The following CHCHD6 variants were observed in gnomAD, a reference collection of about 807,000 sequenced individuals.
The protein encoded by CHCHD6 is coiled-coil-helix-coiled-coil-helix domain containing 6, also known as MICOS complex subunit MIC25.
Under a neutral mutation model 32.3 loss-of-function variants are expected in CHCHD6, and 28 were observed. The observed-to-expected ratio is 0.87, with a 90% CI of 0.64 to 1.19. CHCHD6 has a LOEUF of 1.19. CHCHD6 is among the 50% of genes most tolerant of loss of function. The probability of loss-of-function intolerance (pLI) is 0.00; values close to 1 mark genes in which losing one functional copy is unlikely to be tolerated. For synonymous variants in CHCHD6, 122 were observed against 117.5 expected (o/e 1.04, Z -0.25); for missense variants, 333 against 307.0 (o/e 1.08, Z -0.63).
At chr3:126,909,522 A>G (rs544085060) in intron 5 of CHCHD6, among the ~76,000 whole-genome samples, 12 of 152,196 alleles carry the variant, frequency 7.9e-5, no homozygotes, top group Non-Finnish European at 1.8e-4. Flanking sequence ...CTCGGGAAGT[A>G]ATTGAAGAAA....
chr3:126,849,847 T>C (rs1016891226), intron 4 of CHCHD6, among the ~76,000 whole-genome samples: 2 of 152,220 alleles, frequency 1.3e-5, no homozygotes, highest in Non-Finnish European at 2.9e-5. Flanking sequence ...CATAGAGGTG[T>C]CCTTCATGGT....
chr3:126,928,603 T>C (rs1337901109), intron 6 of CHCHD6, among the ~76,000 whole-genome samples: 3 of 152,214 alleles, frequency 2.0e-5, no homozygotes, highest in African/African-American at 7.2e-5. Flanking sequence ...TCACTGGTTT[T>C]GTTTGTTTGT....
intron 4 of CHCHD6, among the ~76,000 whole-genome samples, chr3:126,797,870 T>C (rs1938867548): frequency 6.6e-6 from 1 of 152,012 alleles, no homozygotes; most frequent in African/African-American, 2.4e-5. Flanking sequence ...TGTGTCTGCG[T>C]GAAAAGGAAG....
chr3:126,941,996 G>T (rs2078567474), intron 6 of CHCHD6, among the ~76,000 whole-genome samples: 1 of 152,220 alleles, frequency 6.6e-6, no homozygotes, highest in African/African-American at 2.4e-5. Flanking sequence ...ATATGGAACA[G>T]TTCCTTACTC....
chr3:126,761,561 G>T (rs913158588), intron 4 of CHCHD6, among the ~76,000 whole-genome samples: 5 of 152,118 alleles, frequency 3.3e-5, no homozygotes, highest in African/African-American at 9.7e-5. Flanking sequence ...AAGTATCTGG[G>T]ACTATAGGCA....
intron 4 of CHCHD6, among the ~76,000 whole-genome samples, chr3:126,840,028 C>G (rs530219508): frequency 2.0e-5 from 3 of 152,318 alleles, no homozygotes; most frequent in Admixed American, 2.0e-4. Flanking sequence ...TTTGCCTAAT[C>G]TGGACATTTC....
At chr3:126,796,092 C>T (rs570696163) in intron 4 of CHCHD6, among the ~76,000 whole-genome samples, 3 of 152,188 alleles carry the variant, frequency 2.0e-5, no homozygotes, top group Admixed American at 2.0e-4. Flanking sequence ...TGGGTGTAAT[C>T]CCAGCACTTT....
intron 6 of CHCHD6, among the ~76,000 whole-genome samples, chr3:126,936,967 G>A (rs2078489347): frequency 6.6e-6 from 1 of 152,216 alleles, no homozygotes; most frequent in African/African-American, 2.4e-5. Context: ...CTGGCCTGCT[G>A]CCTCCCATCT....
At chr3:126,829,362 A>G (rs1246936828) in intron 4 of CHCHD6, among the ~76,000 whole-genome samples, 2 of 152,070 alleles carry the variant, frequency 1.3e-5, no homozygotes, top group Non-Finnish European at 2.9e-5. Flanking sequence ...TAAGACCCAT[A>G]AAAACAGGAA....
chr3:126,790,794 T>C (rs571414681), intron 4 of CHCHD6, among the ~76,000 whole-genome samples: 20 of 152,200 alleles, frequency 1.3e-4, no homozygotes, highest in Non-Finnish European at 2.5e-4. Context: ...CAGAGAAGTT[T>C]GATTGTCTGA....
intron 5 of CHCHD6, among the ~76,000 whole-genome samples, chr3:126,912,840 C>G (rs1391559495): frequency 1.3e-5 from 2 of 152,234 alleles, no homozygotes; most frequent in African/African-American, 4.8e-5. Flanking sequence ...GGCCTGGTTT[C>G]CATCTGGACC....
Position 126,733,036 on chromosome 3 carries a change from A to G in CHCHD6, c.267-42A>G, listed in dbSNP as rs202141279. 112 of 1,606,998 alleles carry G rather than the reference A, an allele frequency of 7.0e-5. 1 individual carries two copies. In the East Asian group the frequency reaches 7.2e-4, roughly 10 times the overall value. The stretch of plus-strand genomic sequence containing the variant: ...TTGTCTTGGCTATGGGCTGCCCGTC[A>G]TGCCATCCACATCTGTTTCTCCTCA... On this transcript the variant is annotated intron_variant, in intron 3 of 7. Coordinates refer to ENST00000290913, the MANE Select transcript of CHCHD6 (RefSeq NM_032343.3).
chr3:126,887,764 T>C (rs1391941502), intron 5 of CHCHD6, among the ~76,000 whole-genome samples: 3 of 152,182 alleles, frequency 2.0e-5, no homozygotes, highest in African/African-American at 2.4e-5. Flanking sequence ...AGCCGCAGCA[T>C]AGGGACTACC....
At chr3:126,777,404 C>T (rs550123531) in intron 4 of CHCHD6, among the ~76,000 whole-genome samples, 128 of 152,270 alleles carry the variant, frequency 8.4e-4, no homozygotes, top group African/African-American at 2.1e-3. Context: ...GTTACCAAAT[C>T]AATAGTTATT....
intron 4 of CHCHD6, among the ~76,000 whole-genome samples, chr3:126,837,408 A>T (rs1053689941): frequency 5.9e-5 from 9 of 152,190 alleles, no homozygotes; most frequent in African/African-American, 2.2e-4. Flanking sequence ...ACCAAAATTT[A>T]AAAAATTAGC....
intron 4 of CHCHD6, among the ~76,000 whole-genome samples, chr3:126,815,331 GCCAT>G (rs1381216556): frequency 6.6e-6 from 1 of 152,094 alleles, no homozygotes; most frequent in Non-Finnish European, 1.5e-5. Flanking sequence ...CATGGTTCCA[GCCAT>G]CCTCTGTATG....
chr3:126,792,684 TTGG>T (rs1938611302), intron 4 of CHCHD6, among the ~76,000 whole-genome samples: 1 of 152,360 alleles, frequency 6.6e-6, no homozygotes, highest in South Asian at 2.1e-4. Flanking sequence ...ATGGTCTGTC[TTGG>T]TGAATGCTTC....
At chr3:126,727,757 T>C (rs1935603526) in intron 2 of CHCHD6, among the ~76,000 whole-genome samples, 1 of 152,222 alleles carries the variant, frequency 6.6e-6, no homozygotes. Flanking sequence ...AAAGCTGATT[T>C]GTTCCCTACT....
chr3:126,946,796 T>C (rs559835332), intron 6 of CHCHD6, among the ~76,000 whole-genome samples: 3 of 152,176 alleles, frequency 2.0e-5, no homozygotes, highest in Non-Finnish European at 4.4e-5. Context: ...TCTAATTCAC[T>C]CGGAATCTCC....
Sources: gnomAD v4.1 joint callset for allele counts (sites outside exome capture counted in the v4.1 genomes callset) on GRCh38, gnomAD v4.1.1 for gene constraint, MANE v1.5 for transcripts, NCBI Gene and HGNC (gene_info 2026-07-23, HGNC 2026-07-21) for gene names.